The following NAPSA variants were observed in gnomAD, a reference collection of about 807,000 sequenced individuals.
NAPSA encodes the protein napsin-A.
NAPSA carries 37 observed loss-of-function variants against 36.7 expected under a neutral mutation model. The ratio of observed to expected loss-of-function variants is 1.01; its 90% CI spans 0.78 to 1.33. The LOEUF is 1.33. Ranked by LOEUF, NAPSA falls within the 40% of genes most tolerant of loss-of-function variation. The probability of loss-of-function intolerance (pLI) is 0.00; values close to 1 mark genes in which losing one functional copy is unlikely to be tolerated. For missense variants in NAPSA, 532 were observed against 543.8 expected, an observed-to-expected ratio of 0.98 and a Z score of 0.21; for synonymous variants, 222 against 234.5, an observed-to-expected ratio of 0.95 and a Z score of 0.49.
upstream of NAPSA, chr19:50,369,165 C>T (rs1331576385): frequency 1.3e-5 from 2 of 152,152 alleles, no homozygotes; most frequent in Non-Finnish European, 2.9e-5. Context: ...TATTTACTAA[C>T]CTTGTAAGAA....
chr19:50,367,297 G>A (rs1333079295), upstream of NAPSA, among the ~76,000 whole-genome samples: 1 of 152,242 alleles, frequency 6.6e-6, no homozygotes, highest in East Asian at 1.9e-4. Context: ...AGTCTTTGCA[G>A]ACAAGGCTTG....
chr19:50,366,646 G>GTTAGTTAT (rs1050640108), upstream of NAPSA, among the ~76,000 whole-genome samples: 9 of 144,944 alleles, frequency 6.2e-5, no homozygotes, highest in Non-Finnish European at 1.2e-4. Context: ...GCATTGATGA[G>GTTAGTTAT]TTATTTATTT....
At position 50,362,325 on chromosome 19, in the gene NAPSA, G is replaced by C. The variant is rs2037489957; in HGVS notation, c.84-12C>G. 1.3e-6 allele frequency: 2 copies of C among 1,588,996 alleles called. No homozygotes were observed. The highest frequency in any genetic ancestry group is 1.7e-6 in the Non-Finnish European group (2 of 1,167,032). ...GATGAAGAGGGATGCTGTAGGGAAA[G>C]AGGATATTGACAGGAAGCTGCCCTT... On this transcript the variant is annotated splice_polypyrimidine_tract_variant and intron_variant, in intron 1 of 8. Coordinates refer to ENST00000253719, the MANE Select transcript of NAPSA (RefSeq NM_004851.3).
upstream of NAPSA, among the ~76,000 whole-genome samples, chr19:50,366,644 G>A (rs2037552619): frequency 7.0e-6 from 1 of 143,548 alleles, no homozygotes; most frequent in African/African-American, 2.5e-5. Context: ...GGGCATTGAT[G>A]AGTTATTTAT....
upstream of NAPSA, chr19:50,365,722 C>A: frequency 1.0e-6 from 1 of 962,370 alleles, no homozygotes; most frequent in Middle Eastern, 3.2e-4. Flanking sequence ...TAGAAGGAGA[C>A]CAGGACATGA....
chr19:50,359,785 A>G lies in NAPSA; in HGVS notation c.746T>C (p.Phe249Ser), dbSNP rs764878935. 11 of 1,614,200 alleles carry G rather than the reference A, an allele frequency of 6.8e-6. No homozygotes were observed. The highest frequency in any genetic ancestry group is 8.5e-6 in the Non-Finnish European group (10 of 1,180,036). ...DPAHYIPPLTFVPVTVPAYWQ... is the reference protein window; with the variant it reads ...DPAHYIPPLTSVPVTVPAYWQ... ...GTAGGCAGGGACCGTGACTGGCACG[A>G]AGGTGAGGGGTGGGATGTAGTGTGC... Residue 249 changes from phenylalanine to serine, a missense_variant, in exon 6 of 9, where the codon TTC becomes TCC. Coordinates refer to ENST00000253719, the MANE Select transcript of NAPSA (RefSeq NM_004851.3).
At position 50,359,003 on chromosome 19, in the gene NAPSA, C is replaced by G. The variant is rs1174339249; in HGVS notation, c.1035+8G>C. 2 of 1,610,344 alleles carry G rather than the reference C, an allele frequency of 1.2e-6. No individual in the cohort carries two copies. The highest frequency in any genetic ancestry group is 1.7e-5 in the Admixed American group (1 of 59,976). The stretch of plus-strand genomic sequence containing the variant: ...CGTCACTATGGCGTCATGGTGATGG[C>G]CACCTACCTGGATGACGTAATCATG... On this transcript the variant is annotated splice_region_variant and intron_variant, in intron 8 of 8. Transcript: ENST00000253719.
Position 50,358,588 on chromosome 19 carries a change from ATC to A in NAPSA, c.1226_1227del (p.Gly409ValfsTer16). On this transcript the variant is annotated frameshift_variant, in exon 9 of 9. Coordinates refer to ENST00000253719, the MANE Select transcript of NAPSA (RefSeq NM_004851.3). LOFTEE classifies it low-confidence loss of function (END_TRUNC). ...ARARTRGADL[G>X]WGETAQAQFP... is the part of the protein sequence containing the mutation. ...AACTGCGCCTGCGCAGTCTCTCCCC[ATC>A]CGAGGTCCGCTCCGCGAGTGCGAGC... is the stretch of plus-strand genomic sequence containing the variant. 1 of 1,610,568 alleles carries A rather than the reference ATC, an allele frequency of 6.2e-7. No individual in the cohort carries two copies.
chr19:50,362,313 G>C lies in NAPSA; in HGVS notation c.84C>G (p.Arg28=), dbSNP rs961853016. ...NVEPSGATLI[R]IPLHRVQPGR... ...CAGGTTGGACTCGATGAAGAGGGAT[G>C]CTGTAGGGAAAGAGGATATTGACAG... The change falls in exon 2 of 9, where the codon CGC becomes CGG. Residue 28 remains arginine, a splice_region_variant and synonymous_variant. Transcript: ENST00000253719. The C allele has an allele frequency of 6.3e-7, 1 of 1,597,808 alleles. No homozygotes were observed. The highest frequency in any genetic ancestry group is 1.8e-5 in the Admixed American group (1 of 56,892).
At chr19:50,368,661 T>C (rs1362963223), upstream of NAPSA, among the ~76,000 whole-genome samples, 4 of 152,248 alleles carry the variant, frequency 2.6e-5, no homozygotes, top group East Asian at 7.7e-4. Flanking sequence ...CCCCGCACGC[T>C]TTCCGTCTGC....
At chr19:50,365,479 T>G in intron 1 of NAPSA, 60 bp downstream of exon 1, 1 of 1,541,662 alleles carries the variant, frequency 6.5e-7, no homozygotes, top group Non-Finnish European at 8.9e-7. Context: ...GTCCTAGACT[T>G]AAAGGGCAAG....
chr19:50,359,802 G>A lies in NAPSA; in HGVS notation c.729C>T (p.Tyr243=), dbSNP rs1350134819. The change falls in exon 6 of 9, where the codon TAC becomes TAT. Residue 243 remains tyrosine, a synonymous_variant. Transcript: ENST00000253719. The part of the protein sequence containing the change: ...LVLGGSDPAH[Y]IPPLTFVPVT... ...CTGGCACGAAGGTGAGGGGTGGGATGTAGTGTGCCGGGTCCGAGCCCCCCA... is the reference window on the plus strand; with the variant it reads ...CTGGCACGAAGGTGAGGGGTGGGATATAGTGTGCCGGGTCCGAGCCCCCCA... 6.2e-7 allele frequency: 1 copy of A among 1,614,220 alleles called. No individual in the cohort carries two copies. The highest frequency in any genetic ancestry group is 8.5e-7 in the Non-Finnish European group (1 of 1,180,032).
chr19:50,359,313 G>T, intron 7 of NAPSA, 190 bp downstream of exon 7: 2 of 878,622 alleles, frequency 2.3e-6, no homozygotes, highest in Admixed American at 2.5e-5. Context: ...CATCCGCAGA[G>T]TCGCAGTGTA....
chr19:50,364,353 C>A lies in NAPSA; in HGVS notation c.83+1186G>T, dbSNP rs896428859. ...AAAAAAGGCCAGGCGCGGTGGCTTACGCCTGTAATCCCAGCACTTTGCGAG... is the reference window on the plus strand; with the variant it reads ...AAAAAAGGCCAGGCGCGGTGGCTTAAGCCTGTAATCCCAGCACTTTGCGAG... On this transcript the variant is annotated intron_variant, in intron 1 of 8. Transcript: ENST00000253719. Among the ~76,000 whole-genome samples the A allele has an allele frequency of 4.5e-4, 66 of 146,108 alleles. 1 individual carries two copies. The highest frequency in any genetic ancestry group is 3.8e-3 in the Admixed American group (54 of 14,320).
In NAPSA at chr19:50,359,084, G is replaced by T; in HGVS notation, c.962C>A (p.Pro321Gln). 6.2e-7 allele frequency: 1 copy of T among 1,613,954 alleles called. No individual in the cohort carries two copies. Among genetic ancestry groups the T allele is most frequent in the Non-Finnish European group, 8.5e-7 (1 of 1,179,914 alleles). The change falls in exon 8 of 9, where the codon CCA becomes CAA. Residue 321 changes from proline (P) to glutamine (Q), a missense_variant. Pro to Gln is a moderately conservative substitution (Grantham distance 76). Coordinates refer to ENST00000253719, the MANE Select transcript of NAPSA (RefSeq NM_004851.3). ...GEYIILCSEI[P>Q]KLPAVSFLLG... is the part of the protein sequence containing the mutation. ...AAGGAAGGAGACTGCGGGGAGCTTT[G>T]GGATTTCCGAGCACAGGATGATGTA...
chr19:50,362,079 C>G lies in NAPSA; in HGVS notation c.239G>C (p.Gly80Ala). Reference protein sequence around the residue: ...LSNYRDVQYFGEIGLGTPPQN... With the variant: ...LSNYRDVQYFAEIGLGTPPQN... ...TGGAGGCGTTCCCAGCCCAATTTCC[C>G]CAAAATACTGCACCTGATAGCAAAA... The change falls in exon 3 of 9, where the codon GGG becomes GCG. Residue 80 changes from glycine (G) to alanine (A), a missense_variant. Transcript: ENST00000253719. 1 of 1,614,022 alleles carries G rather than the reference C, an allele frequency of 6.2e-7. No homozygotes were observed. The highest frequency in any genetic ancestry group is 1.1e-5 in the South Asian group (1 of 91,064).
intron 4 of NAPSA, chr19:50,361,447 C>T: frequency 1.7e-6 from 1 of 595,742 alleles, no homozygotes; most frequent in Non-Finnish European, 3.0e-6. Context: ...AGCTCCTCCC[C>T]CCTGCTTGAG....
intron 7 of NAPSA, 129 bp downstream of exon 7, chr19:50,359,374 C>T (rs2037440748): frequency 7.9e-7 from 1 of 1,262,298 alleles, no homozygotes; most frequent in Non-Finnish European, 1.1e-6. Context: ...GACTATCTGT[C>T]ACGAAGTCCA....
chr19:50,358,582 C>T lies in NAPSA; in HGVS notation c.1234G>A (p.Glu412Lys), dbSNP rs1601121702. 3 of 1,609,554 alleles carry T rather than the reference C, an allele frequency of 1.9e-6. No homozygotes were observed. Among genetic ancestry groups the T allele is most frequent in the Non-Finnish European group, 2.5e-6 (3 of 1,178,622 alleles). The change falls in exon 9 of 9, where the codon GAG becomes AAG. Residue 412 changes from glutamate (E) to lysine (K), a missense_variant. By Grantham distance (56) the Glu-to-Lys change is moderately conservative. Transcript: ENST00000253719. ...CCGGGGAACTGCGCCTGCGCAGTCT[C>T]TCCCCATCCGAGGTCCGCTCCGCGA... ...RTRGADLGWG[E>K]TAQAQFPG
Sources: gnomAD v4.1 joint callset for allele counts (sites outside exome capture counted in the v4.1 genomes callset) on GRCh38, gnomAD v4.1.1 for gene constraint, MANE v1.5 for transcripts, NCBI Gene and HGNC (gene_info 2026-07-23, HGNC 2026-07-21) for gene names.